The following EFR3B variants were observed in gnomAD, a reference collection of about 807,000 sequenced individuals.
The protein encoded by EFR3B is EFR3 homolog B, also known as protein EFR3 homolog B.
In EFR3B, 64 loss-of-function variants were observed where a neutral mutation model predicts 104.7. That is an observed-to-expected ratio of 0.61 (90% confidence interval 0.50 to 0.75). The LOEUF (loss-of-function observed/expected upper bound fraction) is 0.75. Ranked by LOEUF, EFR3B falls within the 30% of genes least tolerant of loss-of-function variation. EFR3B has a pLI of 0.00. For synonymous variants in EFR3B, 385 were observed against 417.9 expected (o/e 0.92, Z 0.96); for missense variants, 750 against 1,078.5 (o/e 0.70, Z 4.27).
intron 1 of EFR3B, among the ~76,000 whole-genome samples, chr2:25,070,458 T>C (rs1440705895): frequency 6.6e-6 from 1 of 152,128 alleles, no homozygotes; most frequent in Non-Finnish European, 1.5e-5. Flanking sequence ...GATGGGGGTT[T>C]CACCATGTTG....
At chr2:25,110,649 A>C (rs1255003718) in intron 4 of EFR3B, among the ~76,000 whole-genome samples, 1 of 152,180 alleles carries the variant, frequency 6.6e-6, no homozygotes, top group Non-Finnish European at 1.5e-5. Context: ...CACAAGTTCA[A>C]GTCTCTTGCA....
chr2:25,067,585 C>T (rs1668374579), intron 1 of EFR3B, among the ~76,000 whole-genome samples: 2 of 152,058 alleles, frequency 1.3e-5, no homozygotes, highest in African/African-American at 2.4e-5. Flanking sequence ...CAGGCGCCTG[C>T]CACCCCGCCT....
intron 6 of EFR3B, 93 bp downstream of exon 6, chr2:25,128,425 C>T: frequency 6.8e-7 from 1 of 1,479,684 alleles, no homozygotes; most frequent in Non-Finnish European, 9.1e-7. Flanking sequence ...CAGTAAAACT[C>T]AGCTACAAGG....
chr2:25,156,838 A>G lies in EFR3B; in HGVS notation c.*2498A>G, dbSNP rs1219526767. ...AAGAAAATTGAAATCTTGAGCCACAAACATGTTCTTTCCTCACTAGCTCCT... is the reference window on the plus strand; with the variant it reads ...AAGAAAATTGAAATCTTGAGCCACAGACATGTTCTTTCCTCACTAGCTCCT... On this transcript the variant is annotated 3_prime_UTR_variant, in exon 23 of 23. Coordinates refer to ENST00000403714, the MANE Select transcript of EFR3B (RefSeq NM_014971.2). The G allele has an allele frequency of 4.6e-5, 7 of 152,242 alleles. No homozygotes were observed. The highest frequency in any genetic ancestry group is 1.0e-4 in the Non-Finnish European group (7 of 68,042). 9.4% of individuals were successfully genotyped at this position (152,242 alleles called of 1,614,324 possible).
intron 5 of EFR3B, among the ~76,000 whole-genome samples, chr2:25,126,271 C>T (rs1484587873): frequency 6.6e-6 from 1 of 152,120 alleles, no homozygotes; most frequent in Non-Finnish European, 1.5e-5. Flanking sequence ...TCACTGCAAC[C>T]TTTGCCTCCC....
At chr2:25,084,392 A>C (rs1023689550) in intron 1 of EFR3B, among the ~76,000 whole-genome samples, 1 of 151,894 alleles carries the variant, frequency 6.6e-6, no homozygotes, top group Non-Finnish European at 1.5e-5. Flanking sequence ...GCGCGCTGCC[A>C]CGCCCTGCTA....
chr2:25,122,616 G>T (rs1457119724), intron 5 of EFR3B, among the ~76,000 whole-genome samples: 1 of 152,014 alleles, frequency 6.6e-6, no homozygotes, highest in Non-Finnish European at 1.5e-5. Context: ...CTGTGCTTGT[G>T]CTGGGAATGC....
At chr2:25,144,918 T>C (rs897590165) in intron 18 of EFR3B, 42 bp from the exon 19 acceptor site, 1 of 1,535,694 alleles carries the variant, frequency 6.5e-7, no homozygotes, top group South Asian at 1.2e-5. Context: ...CCTGGATCTC[T>C]GAGGGCTGGG....
At chr2:25,099,383 G>C (rs1669370029) in intron 3 of EFR3B, among the ~76,000 whole-genome samples, 1 of 152,062 alleles carries the variant, frequency 6.6e-6, no homozygotes, top group Non-Finnish European at 1.5e-5. Context: ...GGAGCTCAAA[G>C]AGCCAAGGCT....
At chr2:25,115,095 C>T (rs1418471979) in intron 4 of EFR3B, among the ~76,000 whole-genome samples, 3 of 152,076 alleles carry the variant, frequency 2.0e-5, no homozygotes, top group African/African-American at 2.4e-5. Flanking sequence ...GTGGGAGAAT[C>T]GGCTGAGTCC....
chr2:25,048,161 A>C (rs1667771544), intron 1 of EFR3B, among the ~76,000 whole-genome samples: 1 of 152,074 alleles, frequency 6.6e-6, no homozygotes, highest in Non-Finnish European at 1.5e-5. Context: ...GACTACAGGC[A>C]TGTGCAACCA....
intron 4 of EFR3B, among the ~76,000 whole-genome samples, chr2:25,116,772 T>C (rs1022422901): frequency 7.2e-5 from 11 of 152,096 alleles, no homozygotes; most frequent in Middle Eastern, 3.4e-3. Flanking sequence ...GCTGACCCGC[T>C]TGGGACAGAT....
intron 1 of EFR3B, among the ~76,000 whole-genome samples, chr2:25,078,963 A>G (rs1668712478): frequency 6.6e-6 from 1 of 151,998 alleles, no homozygotes; most frequent in Non-Finnish European, 1.5e-5. Flanking sequence ...GGCTCCCCTA[A>G]TCTGCTCTGC....
At chr2:25,103,366 A>G (rs1669474968) in intron 3 of EFR3B, among the ~76,000 whole-genome samples, 1 of 152,312 alleles carries the variant, frequency 6.6e-6, no homozygotes, top group African/African-American at 2.4e-5. Flanking sequence ...GAAATGCTCT[A>G]TCTCATCCGT....
intron 1 of EFR3B, among the ~76,000 whole-genome samples, chr2:25,076,365 G>C (rs888087591): frequency 6.6e-6 from 1 of 152,188 alleles, no homozygotes; most frequent in Non-Finnish European, 1.5e-5. Flanking sequence ...TACTGATGAT[G>C]ATGATGATGA....
At chr2:25,115,330 A>G (rs1669828962) in intron 4 of EFR3B, among the ~76,000 whole-genome samples, 1 of 152,200 alleles carries the variant, frequency 6.6e-6, no homozygotes, top group Admixed American at 6.5e-5. Context: ...AAATGTAAAG[A>G]GCTAAGATCA....
intron 1 of EFR3B, among the ~76,000 whole-genome samples, chr2:25,079,665 A>C (rs1668735035): frequency 6.6e-6 from 1 of 152,224 alleles, no homozygotes; most frequent in Non-Finnish European, 1.5e-5. Context: ...TACATTTTGT[A>C]GGAGAAGCAA....
At chr2:25,046,444 G>A (rs888414799) in intron 1 of EFR3B, among the ~76,000 whole-genome samples, 1 of 151,804 alleles carries the variant, frequency 6.6e-6, no homozygotes, top group Non-Finnish European at 1.5e-5. Flanking sequence ...TCGTGAGTGA[G>A]ACTGTTGCCA....
Position 25,042,674 on chromosome 2 carries a change from C to G in EFR3B, c.7+355C>G. 8.7e-6 allele frequency: 9 copies of G among 1,035,942 alleles called. No homozygotes were observed. Among genetic ancestry groups the G allele is most frequent in the Non-Finnish European group, 1.0e-5 (9 of 862,852 alleles). 64.2% of individuals were successfully genotyped at this position (1,035,942 alleles called of 1,614,324 possible). A position where few individuals can be genotyped will look rare whatever the true frequency, so the allele number is the denominator to read the frequency against. ...GCGGAATTAACAAAAGCGGTTTGTG[C>G]CTGGGAGTTTTCTGTGGGAAGCCGG... On this transcript the variant is annotated intron_variant, in intron 1 of 22. Transcript: ENST00000403714. This position sits in a 1 kb window ranked among gnomAD's most constrained non-coding sequence, Gnocchi z 5.4.
Sources: gnomAD v4.1 joint callset for allele counts (sites outside exome capture counted in the v4.1 genomes callset) on GRCh38, gnomAD v4.1.1 for gene constraint, Gnocchi (gnomAD v3.1) non-coding constraint, MANE v1.5 for transcripts, NCBI Gene and HGNC (gene_info 2026-07-23, HGNC 2026-07-21) for gene names.